IPCEF1: variants seen among roughly 807,000 people sequenced by gnomAD.
IPCEF1 encodes interaction protein for cytohesin exchange factors 1.
In IPCEF1, 31 loss-of-function variants were observed where a neutral mutation model predicts 50.9. That is an observed-to-expected ratio of 0.61 (90% CI 0.46 to 0.82). IPCEF1 has a LOEUF of 0.82. Among genes scored for constraint, IPCEF1 ranks in the 40% least tolerant of loss-of-function variants. The pLI, the probability that IPCEF1 is intolerant of heterozygous loss-of-function variation, is 0.00. For synonymous variants in IPCEF1, 181 were observed against 192.0 expected, an observed-to-expected ratio of 0.94 and a Z score of 0.47; for missense variants, 458 against 514.0, an observed-to-expected ratio of 0.89 and a Z score of 1.05.
chr6:154,166,634 T>A (rs1222176815), intron 11 of IPCEF1, among the ~76,000 whole-genome samples: 1 of 152,182 alleles, frequency 6.6e-6, no homozygotes, highest in African/African-American at 2.4e-5. Flanking sequence ...TTTAATCATG[T>A]ATTTGTTTTC....
In IPCEF1 at chr6:154,168,849, G is replaced by A. The variant is rs1476527078; in HGVS notation, c.911-736C>T. On this transcript the variant is annotated intron_variant, in intron 10 of 11. Coordinates refer to ENST00000367220, the MANE Select transcript of IPCEF1 (RefSeq NM_001130700.2). The surrounding 1 kb of genome is among the most constrained non-coding windows in gnomAD (Gnocchi z 4.1). ...TTGAACTCCTGACTTTGGGTGATCC[G>A]CCCACCTTGGCCTCCCAAAGTGCTG... 1.1e-4 allele frequency among the ~76,000 whole-genome samples: 16 copies of A among 151,542 alleles called. No individual in the cohort carries two copies. The highest frequency in any genetic ancestry group is 2.1e-4 in the South Asian group (1 of 4,814).
At chr6:154,273,333 C>T (rs1329720188) in intron 2 of IPCEF1, among the ~76,000 whole-genome samples, 1 of 152,158 alleles carries the variant, frequency 6.6e-6, no homozygotes, top group Admixed American at 6.5e-5. Flanking sequence ...AAGTCTTGAT[C>T]GTCGACAAGT....
chr6:154,274,169 T>C (rs1476917079), intron 2 of IPCEF1, among the ~76,000 whole-genome samples: 2 of 152,148 alleles, frequency 1.3e-5, no homozygotes, highest in Non-Finnish European at 2.9e-5. Context: ...TTTATTGTTG[T>C]CTTTTCCACT....
At chr6:154,343,841 G>A (rs1406884732) in intron 1 of IPCEF1, among the ~76,000 whole-genome samples, 1 of 152,198 alleles carries the variant, frequency 6.6e-6, no homozygotes, top group Non-Finnish European at 1.5e-5. Flanking sequence ...TGCAAATGCA[G>A]GCCATTAGAA....
rs771560630 is a variant in IPCEF1 at position 154,214,233 on chromosome 6, T to A, written c.436A>T (p.Thr146Ser). The A allele has an allele frequency of 3.0e-5, 48 of 1,608,196 alleles. No homozygotes were observed. The South Asian group carries it at 5.1e-4, about 17-fold the overall frequency. ...TAGAACATACCTTCATCCTTTGTAG[T>A]GGATTCCTGATGGATTACAGCCGAT... ...LGSAVIHQES[T>S]TKDEECYSES... The change falls in exon 8 of 12, where the codon ACT becomes TCT. Residue 146 changes from threonine (T) to serine (S), a missense_variant. Thr to Ser is a moderately conservative substitution (Grantham distance 58). Transcript: ENST00000367220.
In IPCEF1 at chr6:154,223,253, A is replaced by G. The variant is rs1562551466; in HGVS notation, c.247-10T>C. Reference sequence around the variant, plus strand: ...CATCAGCTTTCTCTGCCTGAAACAAATATATACCACAAATAGGAATGAATG... The same window carrying G: ...CATCAGCTTTCTCTGCCTGAAACAAGTATATACCACAAATAGGAATGAATG... On this transcript the variant is annotated splice_polypyrimidine_tract_variant and intron_variant, in intron 5 of 11. Coordinates refer to ENST00000367220, the MANE Select transcript of IPCEF1 (RefSeq NM_001130700.2). 1.2e-6 allele frequency: 2 copies of G among 1,605,482 alleles called. No individual in the cohort carries two copies. Among genetic ancestry groups the G allele is most frequent in the Non-Finnish European group, 1.7e-6 (2 of 1,174,194 alleles).
intron 1 of IPCEF1, among the ~76,000 whole-genome samples, chr6:154,331,729 C>G: frequency 6.6e-6 from 1 of 152,048 alleles, no homozygotes; most frequent in East Asian, 1.9e-4. Context: ...GAGGAACACT[C>G]GACTCAACAA....
chr6:154,210,810 A>G (rs1777896223), intron 9 of IPCEF1, among the ~76,000 whole-genome samples: 1 of 152,208 alleles, frequency 6.6e-6, no homozygotes, highest in African/African-American at 2.4e-5. Flanking sequence ...AATTTTGGCT[A>G]ATCATATTTA....
intron 3 of IPCEF1, among the ~76,000 whole-genome samples, chr6:154,256,692 G>A (rs1394639002): frequency 6.6e-6 from 1 of 151,888 alleles, no homozygotes; most frequent in Non-Finnish European, 1.5e-5. Flanking sequence ...TGCAAAACTA[G>A]TTCTACAAAA....
At chr6:154,208,163 G>A (rs1296020885) in intron 9 of IPCEF1, among the ~76,000 whole-genome samples, 3 of 151,950 alleles carry the variant, frequency 2.0e-5, no homozygotes, top group African/African-American at 7.3e-5. Context: ...TCCTTAACTG[G>A]CCCATATGCC....
chr6:154,181,389 A>G (rs893945594), intron 10 of IPCEF1, among the ~76,000 whole-genome samples: 1 of 152,190 alleles, frequency 6.6e-6, no homozygotes, highest in Admixed American at 6.5e-5. Context: ...TTCTATGAGA[A>G]GTGTTAAATT....
At chr6:154,355,917 TA>T (rs1307089175) in intron 1 of IPCEF1, among the ~76,000 whole-genome samples, 2 of 152,138 alleles carry the variant, frequency 1.3e-5, no homozygotes, top group African/African-American at 2.4e-5. Flanking sequence ...TCACCCAAAG[TA>T]CTGGGATTAC....
chr6:154,241,905 T>G (rs1780626112), intron 5 of IPCEF1, among the ~76,000 whole-genome samples: 1 of 152,180 alleles, frequency 6.6e-6, no homozygotes, highest in Non-Finnish European at 1.5e-5. Context: ...AAGTCACCTC[T>G]AAATGGAGAA....
At chr6:154,245,067 T>C (rs1381230478) in intron 5 of IPCEF1, among the ~76,000 whole-genome samples, 5 of 152,202 alleles carry the variant, frequency 3.3e-5, no homozygotes, top group Admixed American at 6.5e-5. Flanking sequence ...GAAGCTGTAT[T>C]TGTTTAGGAA....
At chr6:154,233,959 G>C (rs1003562989) in intron 5 of IPCEF1, among the ~76,000 whole-genome samples, 1 of 152,090 alleles carries the variant, frequency 6.6e-6, no homozygotes, top group Non-Finnish European at 1.5e-5. Flanking sequence ...CTGTAATCTC[G>C]GCACTTTGAG....
chr6:154,300,990 A>G (rs1782779239), intron 1 of IPCEF1, among the ~76,000 whole-genome samples: 1 of 152,232 alleles, frequency 6.6e-6, no homozygotes, highest in Non-Finnish European at 1.5e-5. Flanking sequence ...TAAGTGGCTT[A>G]TAATCAATAA....
At chr6:154,342,272 G>A (rs1413214667) in intron 1 of IPCEF1, among the ~76,000 whole-genome samples, 1 of 152,158 alleles carries the variant, frequency 6.6e-6, no homozygotes, top group Non-Finnish European at 1.5e-5. Flanking sequence ...ACAAAGACAA[G>A]ATCAATCATA....
chr6:154,229,526 T>A (rs1221539673), intron 5 of IPCEF1, among the ~76,000 whole-genome samples: 1 of 118,872 alleles, frequency 8.4e-6, no homozygotes. Context: ...ATTTTTTGTA[T>A]TTTTTTTTTT....
At position 154,286,020 on chromosome 6, in the gene IPCEF1, T is replaced by C. The variant is rs1170663939; in HGVS notation, c.-18+3693A>G. Among the ~76,000 whole-genome samples the C allele has an allele frequency of 2.0e-5, 3 of 152,350 alleles. No homozygotes were observed. The East Asian group carries it at 5.8e-4, about 29-fold the overall frequency. On this transcript the variant is annotated intron_variant, in intron 2 of 11. Transcript: ENST00000367220. Reference sequence around the variant, plus strand: ...CAATATTTACTGCCCAGCAGGAATATGTCAAAATAATTAGACAAGCATTCT... The same window carrying C: ...CAATATTTACTGCCCAGCAGGAATACGTCAAAATAATTAGACAAGCATTCT...
Sources: gnomAD v4.1 joint callset for allele counts (sites outside exome capture counted in the v4.1 genomes callset) on GRCh38, gnomAD v4.1.1 for gene constraint, Gnocchi (gnomAD v3.1) non-coding constraint, MANE v1.5 for transcripts, NCBI Gene and HGNC (gene_info 2026-07-23, HGNC 2026-07-21) for gene names.